The following DACT1 variants were observed in gnomAD, a reference collection of about 807,000 sequenced individuals.
DACT1 encodes dapper homolog 1.
In DACT1, 19 loss-of-function variants were observed where a neutral mutation model predicts 35.3. The ratio of observed to expected loss-of-function variants is 0.54; its 90% CI spans 0.38 to 0.79. DACT1 has a LOEUF of 0.79. Ranked by LOEUF, DACT1 falls within the 30% of genes least tolerant of loss-of-function variation. DACT1 has a pLI of 0.00. For synonymous variants in DACT1, 545 were observed against 466.7 expected (o/e 1.17, Z -2.16); for missense variants, 1,143 against 1,057.5 (o/e 1.08, Z -1.12).
Position 58,646,658 on chromosome 14 carries a change from T to G in DACT1, c.1924T>G (p.Trp642Gly), listed in dbSNP as rs200977826. Residue 642 changes from tryptophan (W) to glycine (G), a missense_variant, in exon 4 of 4, where the codon TGG becomes GGG. Physicochemically the swap from Trp to Gly is radical, Grantham distance 184. Around this residue, in one of 3 missense-constraint regions of DACT1, gnomAD observed 1,054 missense variants for 958.8 expected, o/e 1.10. Coordinates refer to ENST00000395153, the MANE Select transcript of DACT1 (RefSeq NM_001079520.2). Reference protein sequence around the residue: ...PKHKRTDYRRWKSSAEISYEE... With the variant: ...PKHKRTDYRRGKSSAEISYEE... ...GCACAAGCGAACTGACTACCGGCGG[T>G]GGAAGTCCTCGGCCGAGATTTCCTA... 5 of 1,610,434 alleles carry G rather than the reference T, an allele frequency of 3.1e-6. No homozygotes were observed. Among genetic ancestry groups the G allele is most frequent in the Non-Finnish European group, 8.5e-7 (1 of 1,178,894 alleles).
At position 58,645,360 on chromosome 14, in the gene DACT1, T is replaced by C; in HGVS notation, c.635-9T>C. 2 of 1,614,234 alleles carry C rather than the reference T, an allele frequency of 1.2e-6. No individual in the cohort carries two copies. Among genetic ancestry groups the C allele is most frequent in the Non-Finnish European group, 1.7e-6 (2 of 1,180,038 alleles). On this transcript the variant is annotated splice_polypyrimidine_tract_variant and intron_variant, in intron 3 of 3. Coordinates refer to ENST00000395153, the MANE Select transcript of DACT1 (RefSeq NM_001079520.2). ...ACACCACAATTTAATTCCCTTGATG[T>C]CATTGCAGATGTGAATCCCAAGTAC...
Position 58,646,714 on chromosome 14 carries a change from T to G in DACT1, c.1980T>G (p.Gly660=). ...AGGCCCTGAGGAGGGCCCGGCGCGG[T>G]CGCCGGGAGAATGTGGGGCTGTACC... is the stretch of plus-strand genomic sequence containing the variant. ...YEEALRRARR[G]RRENVGLYPA... is the part of the protein sequence containing the mutation. The change falls in exon 4 of 4, where the codon GGT becomes GGG. Residue 660 remains glycine, a synonymous_variant. Transcript: ENST00000395153. 1 of 1,613,006 alleles carries G rather than the reference T, an allele frequency of 6.2e-7. No homozygotes were observed. Among genetic ancestry groups the G allele is most frequent in the Non-Finnish European group, 8.5e-7 (1 of 1,179,860 alleles).
intron 1 of DACT1, 165 bp downstream of exon 1, chr14:58,638,712 G>A (rs1397620162): frequency 1.7e-6 from 2 of 1,182,932 alleles, no homozygotes; most frequent in Non-Finnish European, 2.1e-6. Flanking sequence ...CTGAGTGCCC[G>A]CGGCGTGTGG....
Position 58,638,120 on chromosome 14 carries a change from C to T in DACT1, c.-83C>T, listed in dbSNP as rs1371924486. Reference sequence around the variant, plus strand: ...CCCGCCACAGGGCGGCATGAGCCCACCCGCGGCCGCAGCCCTAGCGCCCTG... The same window carrying T: ...CCCGCCACAGGGCGGCATGAGCCCATCCGCGGCCGCAGCCCTAGCGCCCTG... On this transcript the variant is annotated 5_prime_UTR_variant, in exon 1 of 4. Coordinates refer to ENST00000395153, the MANE Select transcript of DACT1 (RefSeq NM_001079520.2). The T allele has an allele frequency of 4.5e-5, 55 of 1,215,566 alleles. No individual in the cohort carries two copies. In the Admixed American group the frequency reaches 2.3e-3, roughly 51 times the overall value. The allele number at this position is 1,215,566 out of a possible 1,614,324, so 75.3% of individuals were successfully genotyped here.
chr14:58,646,180 C>A lies in DACT1; in HGVS notation c.1446C>A (p.Pro482=). 1 of 1,613,690 alleles carries A rather than the reference C, an allele frequency of 6.2e-7. No homozygotes were observed. Among genetic ancestry groups the A allele is most frequent in the Non-Finnish European group, 8.5e-7 (1 of 1,179,894 alleles). ...AGAAAAACAGCCTGCAGGGCGTCCC[C>A]CCGGCCACTCCTCCCCTGCTGTCTA... ...MSQKNSLQGV[P]PATPPLLSTA... is the part of the protein sequence containing the mutation. Residue 482 remains proline (P), a synonymous_variant, in exon 4 of 4, where the codon CCC becomes CCA. Transcript: ENST00000395153.
Position 58,647,109 on chromosome 14 carries a change from C to T in DACT1, c.2375C>T (p.Ser792Phe). 2 of 1,614,078 alleles carry T rather than the reference C, an allele frequency of 1.2e-6. No homozygotes were observed. Among genetic ancestry groups the T allele is most frequent in the African/African-American group, 1.3e-5 (1 of 75,010 alleles). ...KKKILRFRSG[S>F]LKLMTTV ...AAGATCCTCCGCTTTCGGTCTGGCT[C>T]TTTGAAACTGATGACGACGGTTTGA... The change falls in exon 4 of 4, where the codon TCT becomes TTT. Residue 792 changes from serine to phenylalanine, a missense_variant. Physicochemically the swap from Ser to Phe is radical, Grantham distance 155 (BLOSUM62 -2). Coordinates refer to ENST00000395153, the MANE Select transcript of DACT1 (RefSeq NM_001079520.2).
At position 58,646,081 on chromosome 14, in the gene DACT1, A is replaced by G; in HGVS notation, c.1347A>G (p.Pro449=). ...KESAQLSGAS[P]KESPSRGPAP... The stretch of plus-strand genomic sequence containing the variant: ...GCGCTCAGCTCTCAGGGGCCTCTCC[A>G]AAAGAGAGTCCTAGCAGAGGCCCTG... The change falls in exon 4 of 4, where the codon CCA becomes CCG. Residue 449 remains proline (P), a synonymous_variant. Transcript: ENST00000395153. The G allele has an allele frequency of 1.9e-6, 3 of 1,613,526 alleles. No individual in the cohort carries two copies. The highest frequency in any genetic ancestry group is 2.5e-6 in the Non-Finnish European group (3 of 1,179,814).
Position 58,638,273 on chromosome 14 carries a change from C to G in DACT1, c.71C>G (p.Thr24Arg). 7.4e-7 allele frequency: 1 copy of G among 1,357,468 alleles called. No individual in the cohort carries two copies. Among genetic ancestry groups the G allele is most frequent in the Non-Finnish European group, 9.4e-7 (1 of 1,058,364 alleles). 84.1% of individuals were successfully genotyped at this position (1,357,468 alleles called of 1,614,324 possible). A position where few individuals can be genotyped will look rare whatever the true frequency, so the allele number is the denominator to read the frequency against. Residue 24 changes from threonine to arginine, a missense_variant, in exon 1 of 4, where the codon ACG becomes AGG. By Grantham distance (71) the Thr-to-Arg change is moderately conservative (BLOSUM62 -1). Coordinates refer to ENST00000395153, the MANE Select transcript of DACT1 (RefSeq NM_001079520.2). ...GCGCCGGCCCGAGGCGAGCAGCGCACGGCGGAGCCCGAGGGGCGCTGGCGG... is the reference window on the plus strand; with the variant it reads ...GCGCCGGCCCGAGGCGAGCAGCGCAGGGCGGAGCCCGAGGGGCGCTGGCGG... ...PPAPARGEQR[T>R]AEPEGRWREK...
intron 1 of DACT1, 72 bp downstream of exon 1, chr14:58,638,619 C>A: frequency 7.9e-7 from 1 of 1,269,518 alleles, no homozygotes; most frequent in Non-Finnish European, 9.9e-7. Flanking sequence ...TGGCCTGGGG[C>A]GGGCGCGAGG....
At chr14:58,635,974 C>T (rs550338089), upstream of DACT1, among the ~76,000 whole-genome samples, 86 of 152,262 alleles carry the variant, frequency 5.6e-4, no homozygotes, top group African/African-American at 2.1e-3. Context: ...AGTCACTATC[C>T]TTTCGTGCCT....
At chr14:58,644,307 T>C (rs1214001212) in intron 3 of DACT1, among the ~76,000 whole-genome samples, 1 of 152,220 alleles carries the variant, frequency 6.6e-6, no homozygotes, top group African/African-American at 2.4e-5. Flanking sequence ...AAAAACATTT[T>C]TGACAAGTGG....
Position 58,647,341 on chromosome 14 carries a change from G to C in DACT1, c.*207G>C. ...GTAAAGAATGTTTTGCTAGTTAGAA[G>C]TACATATTGAGGTTTTAATGGTGGT... On this transcript the variant is annotated 3_prime_UTR_variant, in exon 4 of 4. Transcript: ENST00000395153. 1 of 632,672 alleles carries C rather than the reference G, an allele frequency of 1.6e-6. No individual in the cohort carries two copies. Among genetic ancestry groups the C allele is most frequent in the Non-Finnish European group, 2.7e-6 (1 of 372,836 alleles). 39.2% of individuals were successfully genotyped at this position (632,672 alleles called of 1,614,324 possible).
chr14:58,638,259 A>C lies in DACT1; in HGVS notation c.57A>C (p.Arg19=), dbSNP rs1164274868. ...AKELEPPAPA[R]GEQRTAEPEG... is the part of the protein sequence containing the mutation. ...AGCTGGAGCCTCCGGCGCCGGCCCG[A>C]GGCGAGCAGCGCACGGCGGAGCCCG... Residue 19 remains arginine (R), a synonymous_variant, in exon 1 of 4, where the codon CGA becomes CGC. Transcript: ENST00000395153. 7.3e-6 allele frequency: 10 copies of C among 1,367,232 alleles called. No individual in the cohort carries two copies. Among genetic ancestry groups the C allele is most frequent in the Non-Finnish European group, 9.4e-6 (10 of 1,061,094 alleles). The allele number at this position is 1,367,232 out of a possible 1,614,324, so 84.7% of individuals were successfully genotyped here.
Position 58,637,989 on chromosome 14 carries a change from G to T in DACT1, c.-214G>T. The T allele has an allele frequency of 3.1e-6, 1 of 318,808 alleles. No individual in the cohort carries two copies. The highest frequency in any genetic ancestry group is 5.3e-6 in the Non-Finnish European group (1 of 188,256). 19.7% of individuals were successfully genotyped at this position (318,808 alleles called of 1,614,324 possible). On this transcript the variant is annotated 5_prime_UTR_variant, in exon 1 of 4. Transcript: ENST00000395153. Reference sequence around the variant, plus strand: ...TATCAGCTGCCGGGCCGCGGCGAGGGACGCGCGGCGACAGCGGACGGCGCT... The same window carrying T: ...TATCAGCTGCCGGGCCGCGGCGAGGTACGCGCGGCGACAGCGGACGGCGCT...
chr14:58,646,365 A>T lies in DACT1; in HGVS notation c.1631A>T (p.Asn544Ile). Residue 544 changes from asparagine (N) to isoleucine (I), a missense_variant, in exon 4 of 4, where the codon AAC becomes ATC. By Grantham distance (149) the Asn-to-Ile change is moderately radical (BLOSUM62 -3). This residue lies in a region of DACT1 where 1,054 missense variants were observed against 958.8 expected (regional missense o/e 1.10). Coordinates refer to ENST00000395153, the MANE Select transcript of DACT1 (RefSeq NM_001079520.2). Reference protein sequence around the residue: ...RGHRNMGVVKNSSLKHRGPAL... With the variant: ...RGHRNMGVVKISSLKHRGPAL... ...CACAGGAACATGGGCGTCGTGAAGAACTCCAGCCTGAAGCACCGCGGCCCA... is the reference window on the plus strand; with the variant it reads ...CACAGGAACATGGGCGTCGTGAAGATCTCCAGCCTGAAGCACCGCGGCCCA... 1 of 1,605,224 alleles carries T rather than the reference A, an allele frequency of 6.2e-7. No homozygotes were observed. Among genetic ancestry groups the T allele is most frequent in the South Asian group, 1.1e-5 (1 of 89,718 alleles).
chr14:58,640,773 A>G lies in DACT1; in HGVS notation c.383A>G (p.Gln128Arg). ...CGAAGAGATGCTGGTTTGTTGAATC[A>G]GTTGCAAGAGCTTGACAAGCAGATA... ...LRRRDAGLLN[Q>R]LQELDKQISD... The change falls in exon 2 of 4, where the codon CAG (glutamine) becomes CGG (arginine). Residue 128 changes from glutamine to arginine, a missense_variant. Physicochemically the swap from Gln to Arg is conservative, Grantham distance 43. Around this residue, in one of 3 missense-constraint regions of DACT1, gnomAD observed 1,054 missense variants for 958.8 expected, o/e 1.10. Transcript: ENST00000395153. The G allele has an allele frequency of 6.2e-7, 1 of 1,614,170 alleles. No homozygotes were observed. The highest frequency in any genetic ancestry group is 1.3e-5 in the African/African-American group (1 of 75,038).
chr14:58,634,097 T>G (rs57018978), upstream of DACT1: 2 of 152,278 alleles, frequency 1.3e-5, no homozygotes, highest in East Asian at 3.9e-4. Context: ...AGCAGGAGCC[T>G]CTTGAAAAAC....
chr14:58,634,662 G>T (rs1402236137), upstream of DACT1, among the ~76,000 whole-genome samples: 3 of 152,192 alleles, frequency 2.0e-5, no homozygotes, highest in African/African-American at 7.2e-5. Context: ...ATTTGTGTTT[G>T]TTTGGCCATA....
upstream of DACT1, among the ~76,000 whole-genome samples, chr14:58,635,814 C>G (rs1007252899): frequency 4.6e-5 from 7 of 151,996 alleles, no homozygotes; most frequent in African/African-American, 1.7e-4. Context: ...ATATAGTTGT[C>G]GATGTGTGAC....
Sources: gnomAD v4.1 joint callset for allele counts (sites outside exome capture counted in the v4.1 genomes callset) on GRCh38, gnomAD v4.1.1 for gene constraint, gnomAD v4.1.1 regional missense constraint, MANE v1.5 for transcripts, NCBI Gene and HGNC (gene_info 2026-07-23, HGNC 2026-07-21) for gene names.